EYS: variants seen among roughly 807,000 people sequenced by gnomAD.
EYS encodes the protein EGF-like photoreceptor maintenance factor.
A neutral mutation model predicts 282.1 loss-of-function variants in EYS; 250 were observed. The ratio of observed to expected loss-of-function variants is 0.89; its 90% CI spans 0.80 to 0.98. The LOEUF (loss-of-function observed/expected upper bound fraction) is 0.98, where lower values mean the gene tolerates loss of function less well. EYS is among the 50% of genes least tolerant of loss of function. EYS has a pLI of 0.00. For synonymous variants in EYS, 1,355 were observed against 1,282.9 expected (o/e 1.06, Z -1.20); for missense variants, 4,016 against 3,709.0 (o/e 1.08, Z -2.15).
intron 29 of EYS, among the ~76,000 whole-genome samples, chr6:64,385,493 A>C (rs1260313550): frequency 6.6e-6 from 1 of 152,212 alleles, no homozygotes; most frequent in Non-Finnish European, 1.5e-5. Flanking sequence ...CAAATACTGA[A>C]TGTTCCTCCA....
intron 29 of EYS, among the ~76,000 whole-genome samples, chr6:64,327,849 C>T (rs935406981): frequency 2.6e-5 from 4 of 152,102 alleles, no homozygotes; most frequent in Non-Finnish European, 5.9e-5. Context: ...CCCCAGCTGC[C>T]CCCAGAGGTT....
At chr6:63,733,411 G>A (rs935840721) in intron 41 of EYS, among the ~76,000 whole-genome samples, 1 of 152,084 alleles carries the variant, frequency 6.6e-6, no homozygotes, top group African/African-American at 2.4e-5. Flanking sequence ...GTACCCAATA[G>A]GTAGTTTTTC....
chr6:64,230,473 A>G (rs1766392421), intron 31 of EYS, 119 bp downstream of exon 31: 2 of 539,548 alleles, frequency 3.7e-6, no homozygotes, highest in East Asian at 3.0e-5. Context: ...ATAAAATTAT[A>G]CAGCTGTTTC....
At chr6:64,707,308 T>A (rs1699887499) in intron 22 of EYS, among the ~76,000 whole-genome samples, 1 of 152,078 alleles carries the variant, frequency 6.6e-6, no homozygotes, top group Non-Finnish European at 1.5e-5. Flanking sequence ...GATGCAAAGG[T>A]ATAAGAATAA....
At chr6:64,951,975 T>A (rs1769527607) in intron 14 of EYS, among the ~76,000 whole-genome samples, 1 of 151,956 alleles carries the variant, frequency 6.6e-6, no homozygotes, top group African/African-American at 2.4e-5. Context: ...TAGAAAGTTC[T>A]TGAGACCTAT....
intron 31 of EYS, among the ~76,000 whole-genome samples, chr6:64,197,190 A>G (rs1335268537): frequency 6.6e-6 from 1 of 152,186 alleles, no homozygotes; most frequent in African/African-American, 2.4e-5. Flanking sequence ...AGACTAGAAG[A>G]TAGATAATAA....
chr6:65,389,699 A>G (rs768517602), intron 7 of EYS, among the ~76,000 whole-genome samples: 12 of 152,144 alleles, frequency 7.9e-5, no homozygotes, highest in Non-Finnish European at 1.5e-4. Flanking sequence ...AGAGTAATGT[A>G]AATGAATACT....
At chr6:65,191,305 A>G (rs772388812) in intron 12 of EYS, among the ~76,000 whole-genome samples, 16 of 151,872 alleles carry the variant, frequency 1.1e-4, no homozygotes, top group Non-Finnish European at 1.9e-4. Context: ...GTAAAAAGCG[A>G]TAAGAATAGT....
chr6:64,259,529 C>T (rs983716016), intron 30 of EYS, among the ~76,000 whole-genome samples: 2 of 151,920 alleles, frequency 1.3e-5, no homozygotes, highest in Admixed American at 6.6e-5. Flanking sequence ...CCTGCCCCTC[C>T]GTCCCAGTCT....
chr6:63,834,630 G>T (rs531291766), intron 36 of EYS, among the ~76,000 whole-genome samples: 2 of 147,266 alleles, frequency 1.4e-5, no homozygotes, highest in African/African-American at 5.2e-5. Flanking sequence ...TTAGCCTTGT[G>T]GAAGACACTG....
At chr6:64,052,003 C>T (rs909173937) in intron 33 of EYS, among the ~76,000 whole-genome samples, 1 of 152,054 alleles carries the variant, frequency 6.6e-6, no homozygotes, top group African/African-American at 2.4e-5. Flanking sequence ...TGCAAGTCTC[C>T]TTTCTTCTCA....
At chr6:63,827,519 A>G (rs1003339483) in intron 36 of EYS, among the ~76,000 whole-genome samples, 2 of 152,194 alleles carry the variant, frequency 1.3e-5, no homozygotes, top group Non-Finnish European at 2.9e-5. Flanking sequence ...TATGATAGAC[A>G]ATAAAATGAG....
chr6:65,514,817 G>A (rs1037531146), intron 2 of EYS, among the ~76,000 whole-genome samples: 6 of 152,132 alleles, frequency 3.9e-5, no homozygotes, highest in Non-Finnish European at 7.3e-5. Context: ...TTAAACAATA[G>A]ACCTAAAACC....
chr6:65,185,040 A>AG (rs1356595093), intron 12 of EYS, among the ~76,000 whole-genome samples: 2 of 151,122 alleles, frequency 1.3e-5, no homozygotes, highest in African/African-American at 2.4e-5. Context: ...AAAGAAAGAA[A>AG]AAAAAAACTA....
intron 11 of EYS, among the ~76,000 whole-genome samples, chr6:65,299,591 T>C (rs1262397967): frequency 1.4e-5 from 2 of 146,690 alleles, no homozygotes; most frequent in Non-Finnish European, 3.0e-5. Flanking sequence ...TTTTAATTTA[T>C]ATTTTCATCA....
In EYS at chr6:63,806,246, T is replaced by C; in HGVS notation, c.7355A>G (p.Asn2452Ser). Reference sequence around the variant, plus strand: ...GTTATTTTGCAGTGCTGAGTGGTTGTTTGCCAGCTGAAACTTCAGGTGGAA... The same window carrying C: ...GTTATTTTGCAGTGCTGAGTGGTTGCTTGCCAGCTGAAACTTCAGGTGGAA... ...YEFHLKFQLA[N>S]NHSALQNNLI... The change falls in exon 37 of 43, where the codon AAC (asparagine) becomes AGC (serine). Residue 2452 changes from asparagine to serine, a missense_variant. By Grantham distance (46) the Asn-to-Ser change is conservative (BLOSUM62 1). Coordinates refer to ENST00000503581, the MANE Select transcript of EYS (RefSeq NM_001142800.2). The C allele has an allele frequency of 1.3e-6, 2 of 1,551,592 alleles. No homozygotes were observed. The highest frequency in any genetic ancestry group is 1.7e-6 in the Non-Finnish European group (2 of 1,146,902).
chr6:64,003,152 T>C (rs2149805660), intron 33 of EYS, among the ~76,000 whole-genome samples: 1 of 152,276 alleles, frequency 6.6e-6, no homozygotes. Flanking sequence ...ATCCTGTCAT[T>C]TGCAACAACA....
intron 33 of EYS, among the ~76,000 whole-genome samples, chr6:64,060,882 T>C (rs1241619072): frequency 1.3e-5 from 2 of 152,168 alleles, no homozygotes; most frequent in African/African-American, 4.8e-5. Context: ...ATTAGAAACT[T>C]TTCCAGCCTC....
At chr6:65,352,670 G>T (rs1764327935) in intron 9 of EYS, among the ~76,000 whole-genome samples, 2 of 151,770 alleles carry the variant, frequency 1.3e-5, no homozygotes, top group South Asian at 4.1e-4. Context: ...CCAGCATTAT[G>T]ACTCACCTTA....
Sources: allele counts gnomAD v4.1 joint callset (sites outside exome capture counted in the v4.1 genomes callset), GRCh38; gene constraint gnomAD v4.1.1; transcripts MANE v1.5; gene names NCBI Gene and HGNC (gene_info 2026-07-23, HGNC 2026-07-21).